Variants in CNTN4 observed in about 807,000 individuals in gnomAD.
The protein encoded by CNTN4 is contactin 4.
A neutral mutation model predicts 122.5 loss-of-function variants in CNTN4; 77 were observed. That is an observed-to-expected ratio of 0.63 (90% confidence interval 0.52 to 0.76). The LOEUF is 0.76. Ranked by LOEUF, CNTN4 falls within the 30% of genes least tolerant of loss-of-function variation. The pLI is 0.00. For missense variants in CNTN4, 1,256 were observed against 1,259.1 expected, an observed-to-expected ratio of 1.00 and a Z score of 0.04; for synonymous variants, 512 against 447.0, an observed-to-expected ratio of 1.15 and a Z score of -1.83.
chr3:2,199,110 T>C (rs1559335666), intron 2 of CNTN4, among the ~76,000 whole-genome samples: 1 of 152,126 alleles, frequency 6.6e-6, no homozygotes, highest in Non-Finnish European at 1.5e-5. Flanking sequence ...TGGGAGGAAT[T>C]CCCCCTCACT....
At chr3:2,230,085 G>A (rs1356998452) in intron 2 of CNTN4, among the ~76,000 whole-genome samples, 2 of 152,130 alleles carry the variant, frequency 1.3e-5, no homozygotes, top group African/African-American at 4.8e-5. Flanking sequence ...CTATTTACTT[G>A]TTTTGAAAAG....
intron 13 of CNTN4, among the ~76,000 whole-genome samples, chr3:2,969,779 T>TA (rs368071011): frequency 2.6e-5 from 4 of 152,132 alleles, no homozygotes; most frequent in Non-Finnish European, 4.4e-5. Flanking sequence ...TGGGGAAGGC[T>TA]AAAAAATTAG....
chr3:2,846,454 G>C (rs140080703), intron 7 of CNTN4, among the ~76,000 whole-genome samples: 143 of 152,284 alleles, frequency 9.4e-4, no homozygotes, highest in Admixed American at 1.0e-3. Context: ...ATGCAGGATG[G>C]TGAGTCAATT....
At chr3:2,224,573 C>G (rs114208102) in intron 2 of CNTN4, among the ~76,000 whole-genome samples, 237 of 152,252 alleles carry the variant, frequency 1.6e-3, no homozygotes, top group African/African-American at 5.5e-3. Context: ...AACTTAGATT[C>G]TGAGTCCTGT....
At chr3:2,268,083 A>G (rs749620529) in intron 2 of CNTN4, among the ~76,000 whole-genome samples, 2 of 152,106 alleles carry the variant, frequency 1.3e-5, no homozygotes, top group Non-Finnish European at 2.9e-5. Flanking sequence ...ATGTTTTACT[A>G]ACATATGTTA....
chr3:2,878,553 C>CTCTGTGTGTGTG (rs930160038), intron 8 of CNTN4, among the ~76,000 whole-genome samples: 13 of 146,844 alleles, frequency 8.9e-5, no homozygotes, highest in South Asian at 6.5e-4. Flanking sequence ...GAGATGCTCT[C>CTCTGTGTGTGTG]TGTGTGTGTG....
chr3:2,573,933 T>C (rs923673415), intron 4 of CNTN4, among the ~76,000 whole-genome samples: 2 of 152,162 alleles, frequency 1.3e-5, no homozygotes, highest in African/African-American at 4.8e-5. Flanking sequence ...TAAACTGCTT[T>C]AGGCCAGGCA....
intron 3 of CNTN4, among the ~76,000 whole-genome samples, chr3:2,348,954 AT>A (rs2044505518): frequency 1.3e-5 from 2 of 152,204 alleles, no homozygotes; most frequent in Non-Finnish European, 2.9e-5. Context: ...CCTTAGATAA[AT>A]GCATTCTCTT....
intron 4 of CNTN4, among the ~76,000 whole-genome samples, chr3:2,661,561 C>A (rs555571142): frequency 2.4e-4 from 37 of 151,256 alleles, no homozygotes; most frequent in African/African-American, 8.2e-4. Context: ...GCCTGTAATC[C>A]CAGCACTTTG....
intron 3 of CNTN4, among the ~76,000 whole-genome samples, chr3:2,347,286 A>C (rs923671512): frequency 6.6e-6 from 1 of 152,192 alleles, no homozygotes; most frequent in Non-Finnish European, 1.5e-5. Flanking sequence ...AAATAAAGAA[A>C]ACCTGTGGAA....
At chr3:2,549,000 T>C (rs1289250497) in intron 3 of CNTN4, among the ~76,000 whole-genome samples, 1 of 152,182 alleles carries the variant, frequency 6.6e-6, no homozygotes, top group East Asian at 1.9e-4. Context: ...TGTTTAGGAA[T>C]GCTTGTGATT....
intron 13 of CNTN4, among the ~76,000 whole-genome samples, chr3:2,929,315 G>GTT (rs1403425883): frequency 3.3e-5 from 5 of 152,174 alleles, no homozygotes; most frequent in African/African-American, 1.2e-4. Context: ...TTTATTTACT[G>GTT]TTAGTTTTTA....
chr3:2,263,914 T>C (rs2040938880), intron 2 of CNTN4, among the ~76,000 whole-genome samples: 2 of 139,580 alleles, frequency 1.4e-5, no homozygotes, highest in African/African-American at 5.0e-5. Context: ...CTTAACATAA[T>C]GACCTCCAGT....
chr3:2,855,364 T>C (rs920958495), intron 7 of CNTN4, among the ~76,000 whole-genome samples: 1 of 152,248 alleles, frequency 6.6e-6, no homozygotes, highest in Admixed American at 6.5e-5. Flanking sequence ...GGTCTTGGAA[T>C]AGCTTATGTA....
chr3:2,169,561 A>T (rs2728520), intron 2 of CNTN4, among the ~76,000 whole-genome samples: 21,935 of 151,030 alleles, frequency 0.15, 2,191 homozygotes, highest in East Asian at 0.35. Context: ...CGCCGCCACC[A>T]CGCCCGGCTG....
At chr3:2,352,913 G>A (rs2044696239) in intron 3 of CNTN4, among the ~76,000 whole-genome samples, 1 of 151,922 alleles carries the variant, frequency 6.6e-6, no homozygotes, top group Admixed American at 6.6e-5. Flanking sequence ...GTGTCTAGCT[G>A]AAGGTTTGTA....
chr3:2,294,288 C>CTTTTTTTTTTTTTTTTTTTTTTTTTTTTT (rs71058604), intron 2 of CNTN4, among the ~76,000 whole-genome samples: 1 of 135,610 alleles, frequency 7.4e-6, no homozygotes, highest in African/African-American at 2.7e-5. Context: ...AGAGTTGTGA[C>CTTTTTTTTTTTTTTTTTTTTTTTTTTTTT]TTTTTTTTTT....
chr3:2,492,299 G>A lies in CNTN4; in HGVS notation c.-88-79117G>A, dbSNP rs74931841. On this transcript the variant is annotated intron_variant, in intron 3 of 24. Coordinates refer to ENST00000418658, the MANE Select transcript of CNTN4 (RefSeq NM_175607.3). Reference sequence around the variant, plus strand: ...CATTTGTGAGCCCTTCCTTCTAAACGTGTCCCAAATTTCAGAGAGATTGGA... The same window carrying A: ...CATTTGTGAGCCCTTCCTTCTAAACATGTCCCAAATTTCAGAGAGATTGGA... Among the ~76,000 whole-genome samples the A allele has an allele frequency of 2.2e-3, 331 of 152,084 alleles. 2 individuals are homozygous for A. The highest frequency in any genetic ancestry group is 7.7e-3 in the African/African-American group (319 of 41,456).
At chr3:2,351,020 A>G (rs1298410264) in intron 3 of CNTN4, among the ~76,000 whole-genome samples, 4 of 152,274 alleles carry the variant, frequency 2.6e-5, no homozygotes, top group East Asian at 3.9e-4. Flanking sequence ...TGTACAATGT[A>G]CTGGTTCCTT....
Sources: allele counts gnomAD v4.1 joint callset (sites outside exome capture counted in the v4.1 genomes callset), GRCh38; gene constraint gnomAD v4.1.1; transcripts MANE v1.5; gene names NCBI Gene and HGNC (gene_info 2026-07-23, HGNC 2026-07-21).